Variants in CLNK observed in about 807,000 individuals in gnomAD.
CLNK encodes cytokine dependent hematopoietic cell linker.
CLNK carries 74 observed loss-of-function variants against 68.6 expected under a neutral mutation model. That is an observed-to-expected ratio of 1.08 (90% confidence interval 0.89 to 1.31). The LOEUF is 1.31. CLNK is among the 50% of genes most tolerant of loss of function. The pLI, the probability that CLNK is intolerant of heterozygous loss-of-function variation, is 0.00. For synonymous variants in CLNK, 198 were observed against 172.2 expected (o/e 1.15, Z -1.17); for missense variants, 553 against 515.3 (o/e 1.07, Z -0.71).
At chr4:10,721,206 TG>T in the CLNK span, among the ~76,000 whole-genome samples, 1 of 151,998 alleles carries the variant, frequency 6.6e-6, no homozygotes, top group African/African-American at 2.4e-5. Context: ...TGGAGGGAAC[TG>T]GGTGTGGCTA....
chr4:10,603,167 C>G (rs557867956), intron 2 of CLNK, among the ~76,000 whole-genome samples: 2 of 152,308 alleles, frequency 1.3e-5, no homozygotes, highest in East Asian at 1.9e-4. Context: ...TTTCCAGAAC[C>G]TTCTCATTCT....
chr4:10,681,420 CT>C (rs992662115), intron 1 of CLNK, among the ~76,000 whole-genome samples: 7 of 152,154 alleles, frequency 4.6e-5, no homozygotes. Flanking sequence ...TTATCTTTAT[CT>C]TACACGAAAT....
At chr4:10,705,322 A>T in the CLNK span, among the ~76,000 whole-genome samples, 1 of 152,206 alleles carries the variant, frequency 6.6e-6, no homozygotes, top group South Asian at 2.1e-4. Context: ...TTACACTTAG[A>T]TGTTATTATT....
chr4:10,573,713 C>A (rs186023116), intron 4 of CLNK, among the ~76,000 whole-genome samples: 1 of 152,110 alleles, frequency 6.6e-6, no homozygotes, highest in Non-Finnish European at 1.5e-5. Context: ...TCAAGGAGTG[C>A]GGTCATGATA....
chr4:10,643,699 G>A (rs1314440456), intron 2 of CLNK, among the ~76,000 whole-genome samples: 1 of 152,206 alleles, frequency 6.6e-6, no homozygotes, highest in Non-Finnish European at 1.5e-5. Context: ...CCCAGTCAGA[G>A]TTCAAAATTA....
At chr4:10,700,932 A>C in the CLNK span, among the ~76,000 whole-genome samples, 1 of 152,218 alleles carries the variant, frequency 6.6e-6, no homozygotes, top group South Asian at 2.1e-4. Flanking sequence ...AAATAAAATT[A>C]GTCAACTGTT....
the CLNK span, among the ~76,000 whole-genome samples, chr4:10,711,055 C>G: frequency 6.6e-6 from 1 of 152,176 alleles, no homozygotes; most frequent in African/African-American, 2.4e-5. Context: ...TGGTTTCATG[C>G]TTAAGGTGTG....
At chr4:10,507,436 T>TTTTATTTATTTA (rs113177804) in intron 17 of CLNK, among the ~76,000 whole-genome samples, 8 of 142,908 alleles carry the variant, frequency 5.6e-5, no homozygotes, top group East Asian at 2.1e-4. Flanking sequence ...TGTTTTCTGT[T>TTTTATTTATTTA]TTTATTTATT....
intron 2 of CLNK, among the ~76,000 whole-genome samples, chr4:10,654,393 A>ATATATATATATATG (rs1408561335): frequency 7.5e-6 from 1 of 133,856 alleles, no homozygotes; most frequent in Non-Finnish European, 1.7e-5. Flanking sequence ...AAATATATAT[A>ATATATATATATATG]TATATATATA....
the CLNK span, among the ~76,000 whole-genome samples, chr4:10,708,414 T>C: frequency 2.6e-5 from 4 of 152,188 alleles, no homozygotes; most frequent in African/African-American, 9.7e-5. Flanking sequence ...AAATGAGGAA[T>C]CTGAATGCAG....
upstream of CLNK, among the ~76,000 whole-genome samples, chr4:10,685,324 G>A (rs1205533797): frequency 6.6e-6 from 1 of 152,094 alleles, no homozygotes; most frequent in Non-Finnish European, 1.5e-5. Context: ...TTTAAAAAAT[G>A]AGGGATAATT....
intron 18 of CLNK, among the ~76,000 whole-genome samples, chr4:10,495,857 T>C (rs957658632): frequency 6.6e-6 from 1 of 151,674 alleles, no homozygotes; most frequent in African/African-American, 2.4e-5. Context: ...GGTCACGTGA[T>C]CATAGAGGCA....
intron 17 of CLNK, among the ~76,000 whole-genome samples, chr4:10,503,321 G>C (rs1467278937): frequency 7.9e-5 from 12 of 151,918 alleles, no homozygotes; most frequent in African/African-American, 2.9e-4. Context: ...AATTAGCCAG[G>C]CATGGTATCA....
intron 1 of CLNK, among the ~76,000 whole-genome samples, chr4:10,673,471 T>G (rs1260537733): frequency 1.2e-4 from 18 of 152,082 alleles, no homozygotes; most frequent in Non-Finnish European, 2.5e-4. Context: ...ATATACACCA[T>G]GGAATACTAT....
At chr4:10,574,873 CCA>C (rs1720496763) in intron 4 of CLNK, among the ~76,000 whole-genome samples, 1 of 152,130 alleles carries the variant, frequency 6.6e-6, no homozygotes, top group Admixed American at 6.5e-5. Context: ...CATGCAACCC[CCA>C]GTCATGTACC....
chr4:10,508,140 A>G, intron 16 of CLNK, 104 bp from the exon 17 acceptor site: 2 of 816,004 alleles, frequency 2.5e-6, no homozygotes, highest in Non-Finnish European at 3.9e-6. Context: ...GCCTAATCAT[A>G]GTGTAATCTG....
At chr4:10,670,455 C>T (rs539074272) in intron 1 of CLNK, among the ~76,000 whole-genome samples, 3 of 152,320 alleles carry the variant, frequency 2.0e-5, no homozygotes, top group Admixed American at 2.0e-4. Flanking sequence ...TCCCTGTGTG[C>T]CTGGATCTTG....
chr4:10,493,021 C>T (rs1716646103), intron 18 of CLNK, among the ~76,000 whole-genome samples: 1 of 152,050 alleles, frequency 6.6e-6, no homozygotes, highest in African/African-American at 2.4e-5. Flanking sequence ...TGTGTTCAGC[C>T]TGTTAAAATA....
intron 2 of CLNK, among the ~76,000 whole-genome samples, chr4:10,613,347 G>A (rs374246331): frequency 7.9e-5 from 12 of 152,154 alleles, no homozygotes; most frequent in African/African-American, 2.9e-4. Context: ...CACATCAGCT[G>A]TGGGATAACT....
Sources: allele counts gnomAD v4.1 joint callset (sites outside exome capture counted in the v4.1 genomes callset), GRCh38; gene constraint gnomAD v4.1.1; transcripts MANE v1.5; gene names NCBI Gene and HGNC (gene_info 2026-07-23, HGNC 2026-07-21).